Variants in SH3RF1 observed in about 807,000 individuals in gnomAD.
SH3RF1 encodes the protein SH3 domain containing ring finger 1, also known as E3 ubiquitin-protein ligase SH3RF1.
A neutral mutation model predicts 74.0 loss-of-function variants in SH3RF1; 32 were observed. The observed-to-expected ratio is 0.43, with a 90% CI of 0.33 to 0.58. The LOEUF is 0.58. Ranked by LOEUF, SH3RF1 falls within the 20% of genes least tolerant of loss-of-function variation. The probability of loss-of-function intolerance (pLI) is 0.05; values close to 1 mark genes in which losing one functional copy is unlikely to be tolerated. For missense variants in SH3RF1, 954 were observed against 1,130.9 expected, an observed-to-expected ratio of 0.84 and a Z score of 2.24; for synonymous variants, 396 against 439.6, an observed-to-expected ratio of 0.90 and a Z score of 1.24.
chr4:169,123,784 C>A (rs1289515743), intron 6 of SH3RF1, among the ~76,000 whole-genome samples: 2 of 151,786 alleles, frequency 1.3e-5, no homozygotes, highest in Non-Finnish European at 2.9e-5. Context: ...CCCAGCTACT[C>A]GGGAGGCTGA....
intron 2 of SH3RF1, among the ~76,000 whole-genome samples, chr4:169,173,638 T>C (rs1734367735): frequency 6.6e-6 from 1 of 152,160 alleles, no homozygotes; most frequent in African/African-American, 2.4e-5. Context: ...GGGTTACACA[T>C]GTTAGCTCTG....
chr4:169,139,488 A>G (rs1733750730), intron 4 of SH3RF1, among the ~76,000 whole-genome samples: 1 of 152,178 alleles, frequency 6.6e-6, no homozygotes, highest in South Asian at 2.1e-4. Context: ...AATACACTAT[A>G]ATTTATCTAT....
chr4:169,119,278 ATTTTTTTTTTTTTT>A (rs11397253), intron 8 of SH3RF1, among the ~76,000 whole-genome samples: 7 of 66,394 alleles, frequency 1.1e-4, no homozygotes, highest in South Asian at 6.1e-4. Context: ...TAATTTTTGT[ATTTTTTTTTTTTTT>A]TTTTTTTTTT....
At chr4:169,222,955 G>A (rs994138937) in intron 2 of SH3RF1, among the ~76,000 whole-genome samples, 1 of 152,158 alleles carries the variant, frequency 6.6e-6, no homozygotes, top group Non-Finnish European at 1.5e-5. Context: ...TCCTCGCATG[G>A]ATTTTTATGA....
chr4:169,173,435 TAA>T (rs879590899), intron 2 of SH3RF1, among the ~76,000 whole-genome samples: 9 of 146,024 alleles, frequency 6.2e-5, no homozygotes, highest in Non-Finnish European at 9.1e-5. Flanking sequence ...TTTCTGGGAT[TAA>T]AAAAAAAAAA....
At chr4:169,200,337 G>C (rs915876012) in intron 2 of SH3RF1, among the ~76,000 whole-genome samples, 4 of 151,960 alleles carry the variant, frequency 2.6e-5, no homozygotes, top group Non-Finnish European at 5.9e-5. Context: ...AGTCTCAATG[G>C]AGTTCCAACA....
intron 2 of SH3RF1, among the ~76,000 whole-genome samples, chr4:169,242,670 G>C (rs1034268268): frequency 1.3e-5 from 2 of 152,300 alleles, no homozygotes; most frequent in Admixed American, 6.5e-5. Flanking sequence ...GAGATGTTTA[G>C]GTCATGGGGG....
At chr4:169,251,338 T>A (rs1731101294) in intron 2 of SH3RF1, among the ~76,000 whole-genome samples, 1 of 152,232 alleles carries the variant, frequency 6.6e-6, no homozygotes, top group African/African-American at 2.4e-5. Context: ...TAACACACAT[T>A]CCTCTCAGTG....
At chr4:169,268,488 AATG>A (rs1731389907) in intron 2 of SH3RF1, among the ~76,000 whole-genome samples, 1 of 152,228 alleles carries the variant, frequency 6.6e-6, no homozygotes, top group Non-Finnish European at 1.5e-5. Flanking sequence ...GCCCCATCAA[AATG>A]ATAAAATACC....
chr4:169,106,018 A>T (rs1733127714), intron 11 of SH3RF1, among the ~76,000 whole-genome samples: 1 of 149,754 alleles, frequency 6.7e-6, no homozygotes, highest in Non-Finnish European at 1.5e-5. Context: ...ATTTTTTTTT[A>T]GCTCATCAGC....
intron 2 of SH3RF1, among the ~76,000 whole-genome samples, chr4:169,164,421 A>G (rs1250158582): frequency 3.3e-5 from 5 of 152,194 alleles, no homozygotes; most frequent in Non-Finnish European, 7.4e-5. Flanking sequence ...AATATATACA[A>G]ACACATATTT....
At chr4:169,214,741 A>C (rs1162427428) in intron 2 of SH3RF1, among the ~76,000 whole-genome samples, 2 of 152,072 alleles carry the variant, frequency 1.3e-5, no homozygotes, top group Non-Finnish European at 2.9e-5. Flanking sequence ...ATGTGTTTTT[A>C]ACTTCTAGTT....
chr4:169,107,458 C>T (rs1733165111), intron 10 of SH3RF1, among the ~76,000 whole-genome samples: 1 of 152,092 alleles, frequency 6.6e-6, no homozygotes, highest in African/African-American at 2.4e-5. Flanking sequence ...GCTTCTCCTC[C>T]TTCTCCCTTT....
At chr4:169,130,244 T>TA (rs34377181) in intron 5 of SH3RF1, 88 bp from the exon 6 acceptor site, 135,129 of 737,988 alleles carry the variant, frequency 0.18, 4,197 homozygotes, top group African/African-American at 0.23. Context: ...CAAGTCACAT[T>TA]AAAAAAAAAA....
chr4:169,251,283 T>C (rs1303839913), intron 2 of SH3RF1, among the ~76,000 whole-genome samples: 2 of 152,212 alleles, frequency 1.3e-5, no homozygotes, highest in Non-Finnish European at 2.9e-5. Context: ...TTTTTAAATT[T>C]CATTATATCT....
In SH3RF1 at chr4:169,156,517, T is replaced by C; in HGVS notation, c.556A>G (p.Asn186Asp). ...AACGGTTTAATAATCTGCACAAAGT[T>C]GGTGGGGAAAAAGCCATGGATTCCA... ...VNGIHGFFPT[N>D]FVQIIKPLPQ... The change falls in exon 3 of 12, where the codon AAC becomes GAC. Residue 186 changes from asparagine (N) to aspartate (D), a missense_variant. Physicochemically the swap from Asn to Asp is conservative, Grantham distance 23 (BLOSUM62 1). Transcript: ENST00000284637. 6.2e-7 allele frequency: 1 copy of C among 1,614,092 alleles called. No individual in the cohort carries two copies. Among genetic ancestry groups the C allele is most frequent in the Non-Finnish European group, 8.5e-7 (1 of 1,179,978 alleles).
chr4:169,143,613 G>T (rs1733822268), intron 4 of SH3RF1, among the ~76,000 whole-genome samples: 2 of 152,254 alleles, frequency 1.3e-5, no homozygotes, highest in Admixed American at 1.3e-4. Context: ...CGCCTCCTGG[G>T]TCCTGAAGCA....
intron 11 of SH3RF1, 83 bp from the exon 12 acceptor site, chr4:169,096,770 C>A: frequency 8.0e-7 from 1 of 1,251,458 alleles, no homozygotes; most frequent in Non-Finnish European, 1.1e-6. Context: ...CACGAACCTT[C>A]AACATAAATA....
intron 2 of SH3RF1, among the ~76,000 whole-genome samples, chr4:169,173,370 C>G (rs1010499111): frequency 6.6e-6 from 1 of 152,042 alleles, no homozygotes; most frequent in Non-Finnish European, 1.5e-5. Flanking sequence ...ACCGTGCCCC[C>G]TTGTTATTCA....
Sources: gnomAD v4.1 joint callset for allele counts (sites outside exome capture counted in the v4.1 genomes callset) on GRCh38, gnomAD v4.1.1 for gene constraint, MANE v1.5 for transcripts, NCBI Gene and HGNC (gene_info 2026-07-23, HGNC 2026-07-21) for gene names.